Variants in SHANK2 observed in about 807,000 individuals in gnomAD.
The protein encoded by SHANK2 is SH3 and multiple ankyrin repeat domains protein 2.
In SHANK2, 43 loss-of-function variants were observed where a neutral mutation model predicts 133.7. The ratio of observed to expected loss-of-function variants is 0.32; its 90% CI spans 0.25 to 0.41. The LOEUF is 0.41. Among genes scored for constraint, SHANK2 ranks in the 10% least tolerant of loss-of-function variants. The pLI, the probability that SHANK2 is intolerant of heterozygous loss-of-function variation, is 1.00. For synonymous variants in SHANK2, 1,017 were observed against 952.8 expected (o/e 1.07, Z -1.24); for missense variants, 1,994 against 2,235.8 (o/e 0.89, Z 2.18).
chr11:71,164,839 G>A (rs1364035651), intron 2 of SHANK2, among the ~76,000 whole-genome samples: 2 of 152,166 alleles, frequency 1.3e-5, no homozygotes, highest in African/African-American at 4.8e-5. Context: ...AAGTCCTTGA[G>A]TCTGAAGGGC....
intron 6 of SHANK2, among the ~76,000 whole-genome samples, chr11:71,108,741 T>C (rs1157031406): frequency 6.6e-6 from 1 of 152,142 alleles, no homozygotes; most frequent in Admixed American, 6.5e-5. Flanking sequence ...GGGCACTCTG[T>C]CCCCTCTGAG....
intron 11 of SHANK2, among the ~76,000 whole-genome samples, chr11:70,837,392 C>T (rs1425743431): frequency 1.3e-5 from 2 of 152,170 alleles, no homozygotes; most frequent in African/African-American, 4.8e-5. Flanking sequence ...CCTCTGCCTG[C>T]TCTCCCCATG....
chr11:70,678,702 C>T (rs1375801098), intron 15 of SHANK2, among the ~76,000 whole-genome samples: 1 of 151,788 alleles, frequency 6.6e-6, no homozygotes, highest in African/African-American at 2.4e-5. Flanking sequence ...ACCACCACAC[C>T]CAGCTAATTT....
chr11:70,712,318 A>T (rs1263547757), intron 14 of SHANK2, among the ~76,000 whole-genome samples: 2 of 152,158 alleles, frequency 1.3e-5, no homozygotes, highest in Non-Finnish European at 2.9e-5. Context: ...CAGCAACCTG[A>T]GTTCCCTCTC....
At chr11:71,145,510 T>C (rs1293587072) in intron 3 of SHANK2, among the ~76,000 whole-genome samples, 1 of 152,178 alleles carries the variant, frequency 6.6e-6, no homozygotes, top group Non-Finnish European at 1.5e-5. Context: ...CCAGTTAGCG[T>C]CTCTCTCAGA....
chr11:70,537,005 G>A (rs2059552306), intron 17 of SHANK2, among the ~76,000 whole-genome samples: 1 of 152,226 alleles, frequency 6.6e-6, no homozygotes, highest in Non-Finnish European at 1.5e-5. Context: ...TGGGCTTTGT[G>A]TCGTACGTCA....
intron 14 of SHANK2, among the ~76,000 whole-genome samples, chr11:70,711,359 C>T (rs1218112770): frequency 2.0e-5 from 3 of 152,248 alleles, no homozygotes; most frequent in South Asian, 2.1e-4. Context: ...CTGCCGTCTC[C>T]GCAGGTTTTA....
chr11:70,901,945 C>T (rs1439538119), intron 10 of SHANK2, among the ~76,000 whole-genome samples: 1 of 152,192 alleles, frequency 6.6e-6, no homozygotes, highest in Admixed American at 6.5e-5. Flanking sequence ...CAAGGGAACC[C>T]TGGCTTCTGC....
intron 10 of SHANK2, among the ~76,000 whole-genome samples, chr11:70,945,534 C>T (rs1474107381): frequency 1.3e-5 from 2 of 152,218 alleles, no homozygotes; most frequent in Non-Finnish European, 2.9e-5. Flanking sequence ...TGCCACCTCA[C>T]CACAACCACT....
chr11:70,559,715 A>G (rs1280865410), intron 17 of SHANK2, among the ~76,000 whole-genome samples: 2 of 152,108 alleles, frequency 1.3e-5, no homozygotes, highest in African/African-American at 4.8e-5. Context: ...GAGGACGTGC[A>G]TCGTAACCTC....
At chr11:70,870,854 G>A (rs910521451) in intron 11 of SHANK2, among the ~76,000 whole-genome samples, 1 of 152,154 alleles carries the variant, frequency 6.6e-6, no homozygotes, top group Non-Finnish European at 1.5e-5. Context: ...TCGGCTCACT[G>A]CAGCCTCCGC....
At chr11:70,556,151 T>G (rs1430186013) in intron 17 of SHANK2, among the ~76,000 whole-genome samples, 1 of 152,262 alleles carries the variant, frequency 6.6e-6, no homozygotes, top group Admixed American at 6.5e-5. Flanking sequence ...TGCTTAATGA[T>G]ACGGATTTAA....
At chr11:70,894,745 G>A (rs1319086367) in intron 11 of SHANK2, among the ~76,000 whole-genome samples, 10 of 152,266 alleles carry the variant, frequency 6.6e-5, no homozygotes, top group African/African-American at 2.2e-4. Context: ...TGGAGCTGGC[G>A]GGGGCTCTGC....
At chr11:70,556,068 G>C (rs1554979485) in intron 17 of SHANK2, among the ~76,000 whole-genome samples, 2 of 152,244 alleles carry the variant, frequency 1.3e-5, no homozygotes, top group East Asian at 3.8e-4. Context: ...AGAAGATCTA[G>C]CTGAGATCAC....
At chr11:71,208,743 A>G (rs1483424871) in intron 2 of SHANK2, among the ~76,000 whole-genome samples, 11 of 152,114 alleles carry the variant, frequency 7.2e-5, no homozygotes, top group African/African-American at 2.7e-4. Context: ...TTATCTGTCC[A>G]AGGCAGGTTG....
chr11:70,735,846 G>A (rs560122061), intron 14 of SHANK2, among the ~76,000 whole-genome samples: 6 of 152,000 alleles, frequency 3.9e-5, no homozygotes, highest in African/African-American at 1.2e-4. Context: ...TCTCTTCAGC[G>A]TGTCCACCCT....
At chr11:70,758,931 C>T (rs1946929308) in intron 14 of SHANK2, among the ~76,000 whole-genome samples, 1 of 151,862 alleles carries the variant, frequency 6.6e-6, no homozygotes, top group African/African-American at 2.4e-5. Flanking sequence ...GAGGCTGAGG[C>T]AGGCGGATCA....
chr11:70,673,076 CCT>C (rs1241369749), intron 15 of SHANK2, among the ~76,000 whole-genome samples: 3 of 152,186 alleles, frequency 2.0e-5, no homozygotes, highest in African/African-American at 7.2e-5. Flanking sequence ...TGGGTGTCCC[CCT>C]GTCCTGATGT....
intron 17 of SHANK2, among the ~76,000 whole-genome samples, chr11:70,609,169 T>G (rs1340465592): frequency 6.6e-6 from 1 of 152,208 alleles, no homozygotes; most frequent in African/African-American, 2.4e-5. Flanking sequence ...CTCAAAGCCC[T>G]GCTCGGACAA....
Sources: allele counts gnomAD v4.1 joint callset (sites outside exome capture counted in the v4.1 genomes callset), GRCh38; gene constraint gnomAD v4.1.1; transcripts MANE v1.5; gene names NCBI Gene and HGNC (gene_info 2026-07-23, HGNC 2026-07-21).